Variants in SPIN1 observed in about 807,000 individuals in gnomAD.
The protein encoded by SPIN1 is spindlin-1.
Under a neutral mutation model 26.0 loss-of-function variants are expected in SPIN1, and 3 were observed. The observed-to-expected ratio is 0.12, with a 90% confidence interval of 0.05 to 0.30. The LOEUF is 0.30. SPIN1 is among the 10% of genes least tolerant of loss of function. The pLI is 1.00. For synonymous variants in SPIN1, 101 were observed against 116.5 expected (o/e 0.87, Z 0.86); for missense variants, 126 against 333.4 (o/e 0.38, Z 4.84).
intron 3 of SPIN1, among the ~76,000 whole-genome samples, chr9:88,460,480 A>T (rs925186217): frequency 6.6e-6 from 1 of 152,214 alleles, no homozygotes; most frequent in African/African-American, 2.4e-5. Flanking sequence ...TGGGAAATAG[A>T]TAAAATATGA....
At chr9:88,439,729 A>G (rs542529509) in intron 2 of SPIN1, among the ~76,000 whole-genome samples, 18 of 152,236 alleles carry the variant, frequency 1.2e-4, no homozygotes, top group African/African-American at 3.9e-4. Context: ...ATTTTATGTA[A>G]TGCCCCCCTT....
At chr9:88,460,762 A>G (rs1172670542) in intron 3 of SPIN1, among the ~76,000 whole-genome samples, 2 of 152,188 alleles carry the variant, frequency 1.3e-5, no homozygotes, top group Non-Finnish European at 2.9e-5. Context: ...GATTATGGCC[A>G]CCCACATTGG....
At chr9:88,391,079 C>CT (rs1826911914) in intron 1 of SPIN1, among the ~76,000 whole-genome samples, 1 of 152,198 alleles carries the variant, frequency 6.6e-6, no homozygotes, top group African/African-American at 2.4e-5. Context: ...CTTCATCTCA[C>CT]TGACTTCAGG....
rs569315591 is a variant in SPIN1 at position 88,410,412 on chromosome 9, T to G, written c.-158-15970T>G. The G allele has an allele frequency of 1.4e-5, 8 of 588,010 alleles. No individual in the cohort carries two copies. In the African/African-American group the frequency reaches 1.5e-4, roughly 11 times the overall value. The allele number at this position is 588,010 out of a possible 1,614,324, so 36.4% of individuals were successfully genotyped here. ...GAGTATTTGTCTAAAACATGTCTTCTTTGTAGCATCTAGGCCCTGCCACCA... is the reference window on the plus strand; with the variant it reads ...GAGTATTTGTCTAAAACATGTCTTCGTTGTAGCATCTAGGCCCTGCCACCA... On this transcript the variant is annotated intron_variant, in intron 1 of 5. Coordinates refer to ENST00000375859, the MANE Select transcript of SPIN1 (RefSeq NM_006717.3).
intron 1 of SPIN1, among the ~76,000 whole-genome samples, chr9:88,392,321 G>A (rs1042067943): frequency 1.7e-4 from 26 of 152,104 alleles, no homozygotes; most frequent in African/African-American, 6.0e-4. Context: ...AGAACAAGTC[G>A]TGTTTGGCTA....
At chr9:88,407,432 C>T (rs755858040) in intron 1 of SPIN1, among the ~76,000 whole-genome samples, 1 of 151,890 alleles carries the variant, frequency 6.6e-6, no homozygotes, top group Non-Finnish European at 1.5e-5. Flanking sequence ...GTGTGAGCCA[C>T]CGGCCTCATC....
intron 2 of SPIN1, among the ~76,000 whole-genome samples, chr9:88,438,187 A>T (rs1027169814): frequency 6.6e-6 from 1 of 152,152 alleles, no homozygotes; most frequent in African/African-American, 2.4e-5. Flanking sequence ...CTATAAATTA[A>T]TTCATTAATT....
chr9:88,446,091 T>G (rs906940059), intron 2 of SPIN1, among the ~76,000 whole-genome samples: 1 of 152,212 alleles, frequency 6.6e-6, no homozygotes, highest in Non-Finnish European at 1.5e-5. Flanking sequence ...GTTGTATAAT[T>G]AAGTATAATT....
intron 4 of SPIN1, among the ~76,000 whole-genome samples, chr9:88,466,165 A>T (rs1205464878): frequency 6.7e-6 from 1 of 149,230 alleles, no homozygotes; most frequent in Non-Finnish European, 1.5e-5. Flanking sequence ...TTATGTTTTA[A>T]TTTTTTTTTT....
intron 5 of SPIN1, among the ~76,000 whole-genome samples, chr9:88,471,744 G>A (rs1326660862): frequency 6.7e-6 from 1 of 148,690 alleles, no homozygotes; most frequent in African/African-American, 2.5e-5. Flanking sequence ...GCATTAGTTT[G>A]TATGTCTGTT....
At chr9:88,437,865 T>C (rs943966301) in intron 2 of SPIN1, among the ~76,000 whole-genome samples, 16 of 152,126 alleles carry the variant, frequency 1.1e-4, no homozygotes, top group South Asian at 2.1e-4. Flanking sequence ...TTATTGACTT[T>C]AGATCTTTCT....
rs576921797 is a variant in SPIN1, at chr9:88,412,923, C to A, written c.-158-13459C>A. Among the ~76,000 whole-genome samples, 4 of 151,632 alleles carry A rather than the reference C, an allele frequency of 2.6e-5. No homozygotes were observed. The East Asian group carries it at 5.9e-4, about 23-fold the overall frequency. ...GGTCTCGAACTCCTAACCTCGTGAT[C>A]CGCCCACCTTGGCCTCCCAAAGTGC... On this transcript the variant is annotated intron_variant, in intron 1 of 5. Transcript: ENST00000375859.
chr9:88,442,747 T>C (rs1188657078), intron 2 of SPIN1, among the ~76,000 whole-genome samples: 1 of 152,090 alleles, frequency 6.6e-6, no homozygotes, highest in East Asian at 1.9e-4. Flanking sequence ...TTTGGTGTAG[T>C]TTTTTTCTGG....
At chr9:88,464,519 C>T (rs1341976652) in intron 4 of SPIN1, among the ~76,000 whole-genome samples, 5 of 152,220 alleles carry the variant, frequency 3.3e-5, no homozygotes, top group Non-Finnish European at 7.3e-5. Flanking sequence ...CTTGGGTTCT[C>T]TGAAGCCCAT....
intron 1 of SPIN1, among the ~76,000 whole-genome samples, chr9:88,412,130 G>C (rs113921410): frequency 2.0e-5 from 3 of 151,998 alleles, no homozygotes; most frequent in Admixed American, 2.0e-4. Flanking sequence ...AGTGAGCCGA[G>C]ATCATGCCAC....
intron 3 of SPIN1, among the ~76,000 whole-genome samples, chr9:88,461,546 GTTTC>G (rs1828576744): frequency 6.6e-6 from 1 of 152,074 alleles, no homozygotes; most frequent in African/African-American, 2.4e-5. Flanking sequence ...ACAATAAATT[GTTTC>G]TTTAAAACTT....
intron 4 of SPIN1, among the ~76,000 whole-genome samples, chr9:88,464,354 C>T (rs1462161986): frequency 6.6e-6 from 1 of 152,212 alleles, no homozygotes; most frequent in Non-Finnish European, 1.5e-5. Flanking sequence ...TTGCTCTTCA[C>T]TTACGTTTTA....
intron 1 of SPIN1, among the ~76,000 whole-genome samples, chr9:88,409,418 A>T (rs1038034078): frequency 6.6e-6 from 1 of 151,458 alleles, no homozygotes; most frequent in African/African-American, 2.4e-5. Flanking sequence ...TCGTTTGAAT[A>T]ATTTCGGGTC....
At chr9:88,467,710 C>T (rs2118212878) in intron 4 of SPIN1, among the ~76,000 whole-genome samples, 1 of 152,146 alleles carries the variant, frequency 6.6e-6, no homozygotes, top group Admixed American at 6.5e-5. Context: ...TTTTAGATCA[C>T]ACAATGTGGT....
Sources: gnomAD v4.1 joint callset for allele counts (sites outside exome capture counted in the v4.1 genomes callset) on GRCh38, gnomAD v4.1.1 for gene constraint, MANE v1.5 for transcripts, NCBI Gene and HGNC (gene_info 2026-07-23, HGNC 2026-07-21) for gene names.